PBRM1: variants seen among roughly 807,000 people sequenced by gnomAD.
PBRM1 encodes protein polybromo-1.
Under a neutral mutation model 194.5 loss-of-function variants are expected in PBRM1, and 27 were observed. The observed-to-expected ratio is 0.14, with a 90% CI of 0.10 to 0.19. The LOEUF is 0.19. Among genes scored for constraint, PBRM1 ranks in the 10% least tolerant of loss-of-function variants. PBRM1 has a pLI of 1.00. For missense variants in PBRM1, 1,466 were observed against 2,077.2 expected, an observed-to-expected ratio of 0.71 and a Z score of 5.72; for synonymous variants, 655 against 693.2, an observed-to-expected ratio of 0.94 and a Z score of 0.87.
chr3:52,601,773 G>C (rs2094011592), intron 17 of PBRM1, among the ~76,000 whole-genome samples: 2 of 152,170 alleles, frequency 1.3e-5, no homozygotes, highest in Admixed American at 6.5e-5. Flanking sequence ...GGCAGCAGTG[G>C]ATCGAGCAGG....
chr3:52,665,073 C>T (rs1992193), intron 3 of PBRM1, among the ~76,000 whole-genome samples: 5,828 of 152,078 alleles, frequency 0.038, 153 homozygotes, highest in Non-Finnish European at 0.063. Flanking sequence ...ATCATACTGG[C>T]GGATGACTTC....
chr3:52,613,661 T>C (rs2094780311), intron 15 of PBRM1, among the ~76,000 whole-genome samples: 1 of 152,020 alleles, frequency 6.6e-6, no homozygotes, highest in South Asian at 2.1e-4. Context: ...TTTCCATTTA[T>C]ATATTTTTGA....
chr3:52,639,127 G>A (rs1318385370), intron 10 of PBRM1, among the ~76,000 whole-genome samples: 2 of 151,940 alleles, frequency 1.3e-5, no homozygotes, highest in East Asian at 1.9e-4. Flanking sequence ...TGGGATTGCA[G>A]GCATGTGCCA....
chr3:52,647,785 A>G (rs979136363), intron 7 of PBRM1, among the ~76,000 whole-genome samples: 2 of 152,140 alleles, frequency 1.3e-5, no homozygotes, highest in African/African-American at 4.8e-5. Context: ...ACAGGCAAAC[A>G]CAGAGACTGA....
In PBRM1 at chr3:52,550,510, C is replaced by T. The variant is rs563717316; in HGVS notation, c.4808G>A (p.Arg1603Gln). 14 of 1,583,422 alleles carry T rather than the reference C, an allele frequency of 8.8e-6. No homozygotes were observed. The South Asian group carries it at 9.2e-5, about 10-fold the overall frequency. Reference sequence around the variant, plus strand: ...CAGGTAGGCCTCTGAGTGAAGAAGCCGCTGGGTCTTTGGTGGGGGAGCTAC... The same window carrying T: ...CAGGTAGGCCTCTGAGTGAAGAAGCTGCTGGGTCTTTGGTGGGGGAGCTAC... The change falls in exon 29 of 30, where the codon CGG becomes CAG. Residue 1603 changes from arginine to glutamine, a missense_variant. Physicochemically the swap from Arg to Gln is conservative, Grantham distance 43 (BLOSUM62 1). This residue lies in a region of PBRM1 where 244 missense variants were observed against 324.6 expected (regional missense o/e 0.75). Transcript: ENST00000296302.
At chr3:52,575,765 C>T (rs1366420326) in intron 22 of PBRM1, among the ~76,000 whole-genome samples, 1 of 150,740 alleles carries the variant, frequency 6.6e-6, no homozygotes, top group South Asian at 2.1e-4. Context: ...CCACCCGCCT[C>T]GGCCTCCCAA....
intron 6 of PBRM1, among the ~76,000 whole-genome samples, chr3:52,650,797 T>C (rs2096469387): frequency 6.6e-6 from 1 of 152,234 alleles, no homozygotes; most frequent in Admixed American, 6.5e-5. Flanking sequence ...GCTGATTAAG[T>C]AGTAGAGCTA....
chr3:52,637,224 C>T (rs1472320510), intron 10 of PBRM1, among the ~76,000 whole-genome samples: 1 of 152,112 alleles, frequency 6.6e-6, no homozygotes, highest in Non-Finnish European at 1.5e-5. Flanking sequence ...TTTTCTGATC[C>T]TTACACCTTA....
rs565883003 is a variant in PBRM1, at chr3:52,598,318, C to G, written c.2779+5203G>C. Among the ~76,000 whole-genome samples, 5 of 152,288 alleles carry G rather than the reference C, an allele frequency of 3.3e-5. No individual in the cohort carries two copies. In the South Asian group the frequency reaches 1.0e-3, roughly 32 times the overall value. On this transcript the variant is annotated intron_variant, in intron 17 of 29. Transcript: ENST00000296302. Reference sequence around the variant, plus strand: ...ACTTTTTCATTATCCCAAACAGAAACTTTAATCATTAAACAATAATTATCC... The same window carrying G: ...ACTTTTTCATTATCCCAAACAGAAAGTTTAATCATTAAACAATAATTATCC...
upstream of PBRM1, among the ~76,000 whole-genome samples, chr3:52,684,312 ACAAT>A (rs1281259182): frequency 6.6e-6 from 1 of 152,152 alleles, no homozygotes; most frequent in Non-Finnish European, 1.5e-5. Context: ...CAAAAGTCTA[ACAAT>A]CAATAATTTA....
chr3:52,559,884 A>G (rs1372142419), intron 25 of PBRM1, among the ~76,000 whole-genome samples: 1 of 151,870 alleles, frequency 6.6e-6, no homozygotes, highest in Non-Finnish European at 1.5e-5. Context: ...GTTCCACTTC[A>G]AATTCTAGTA....
chr3:52,594,480 T>C (rs1335356508), intron 17 of PBRM1, among the ~76,000 whole-genome samples: 1 of 152,212 alleles, frequency 6.6e-6, no homozygotes, highest in East Asian at 1.9e-4. Flanking sequence ...ATGGGTCTCA[T>C]GGGATGAGAG....
exon 3 of PBRM1, chr3:52,668,504 A>G: frequency 1.3e-6 from 2 of 1,598,294 alleles, no homozygotes; most frequent in African/African-American, 1.3e-5. Context: ...TTACCTTATA[A>G]TAGGACTTTG....
intron 17 of PBRM1, among the ~76,000 whole-genome samples, chr3:52,603,208 T>C (rs2094123439): frequency 6.6e-6 from 1 of 152,252 alleles, no homozygotes; most frequent in African/African-American, 2.4e-5. Flanking sequence ...GCTTTCTAGT[T>C]CTAGCTGGCC....
At chr3:52,577,360 G>A (rs2089935800) in intron 21 of PBRM1, among the ~76,000 whole-genome samples, 2 of 149,282 alleles carry the variant, frequency 1.3e-5, no homozygotes, top group Admixed American at 6.9e-5. Context: ...GAGCCCAGGA[G>A]GTGGAGGTTG....
At chr3:52,550,550 T>C (rs768360550) in exon 29 of PBRM1, 9 of 1,560,536 alleles carry the variant, frequency 5.8e-6, no homozygotes, top group South Asian at 4.9e-5. Flanking sequence ...ATGGGTGTTG[T>C]TGGCTGCTGT....
chr3:52,628,152 T>A (rs2095503606), intron 12 of PBRM1, among the ~76,000 whole-genome samples: 3 of 152,234 alleles, frequency 2.0e-5, no homozygotes, highest in South Asian at 2.1e-4. Context: ...ATTAATTTGC[T>A]TTCAGATGTC....
chr3:52,659,683 A>G (rs1018582987), intron 4 of PBRM1, among the ~76,000 whole-genome samples: 3 of 152,170 alleles, frequency 2.0e-5, no homozygotes, highest in Admixed American at 2.0e-4. Context: ...TCAGCTTCCT[A>G]AAGTGTTGGG....
At chr3:52,643,512 G>A (rs542895505) in intron 8 of PBRM1, among the ~76,000 whole-genome samples, 169 bp from the exon 10 acceptor site, 54 of 152,314 alleles carry the variant, frequency 3.5e-4, no homozygotes, top group Non-Finnish European at 7.5e-4. Flanking sequence ...GACTCTGCGG[G>A]GAAGAACAGA....
Sources: allele counts gnomAD v4.1 joint callset (sites outside exome capture counted in the v4.1 genomes callset), GRCh38; gene constraint gnomAD v4.1.1; regional missense constraint gnomAD v4.1.1; transcripts MANE v1.5; gene names NCBI Gene and HGNC (gene_info 2026-07-23, HGNC 2026-07-21).